Variants in ELP4 observed in about 807,000 individuals in gnomAD.
The protein encoded by ELP4 is elongator acetyltransferase complex subunit 4, also known as elongator complex protein 4.
A neutral mutation model predicts 48.9 loss-of-function variants in ELP4; 51 were observed. The ratio of observed to expected loss-of-function variants is 1.04; its 90% CI spans 0.83 to 1.32. The LOEUF (loss-of-function observed/expected upper bound fraction) is 1.32, where lower values mean the gene tolerates loss of function less well. Ranked by LOEUF, ELP4 falls within the 40% of genes most tolerant of loss-of-function variation. The probability of loss-of-function intolerance (pLI) is 0.00; values close to 1 mark genes in which losing one functional copy is unlikely to be tolerated. For synonymous variants in ELP4, 210 were observed against 189.2 expected, an observed-to-expected ratio of 1.11 and a Z score of -0.90; for missense variants, 519 against 514.6, an observed-to-expected ratio of 1.01 and a Z score of -0.08.
At chr11:31,587,060 C>T (rs535477013) in intron 3 of ELP4, among the ~76,000 whole-genome samples, 141 of 152,290 alleles carry the variant, frequency 9.3e-4, no homozygotes, top group African/African-American at 3.2e-3. Context: ...TAATGCCTCT[C>T]CCCATTACTC....
chr11:31,519,981 C>T (rs775446929), intron 1 of ELP4, 75 bp from the exon 2 acceptor site: 445 of 1,452,792 alleles, frequency 3.1e-4, no homozygotes, highest in Non-Finnish European at 3.9e-4. Flanking sequence ...GCCTTTCCTT[C>T]ATAAAGCCTA....
chr11:31,712,705 C>G (rs563039901), intron 9 of ELP4, among the ~76,000 whole-genome samples: 2 of 151,978 alleles, frequency 1.3e-5, no homozygotes, highest in Non-Finnish European at 2.9e-5. Context: ...TAAAATAGCA[C>G]TGGATGCTGT....
chr11:31,546,374 A>G (rs1023189678), intron 3 of ELP4, among the ~76,000 whole-genome samples: 2 of 152,206 alleles, frequency 1.3e-5, no homozygotes, highest in Non-Finnish European at 2.9e-5. Flanking sequence ...AACAAAGATC[A>G]AAAGGAACAA....
chr11:31,603,686 C>T, intron 4 of ELP4, 82 bp from the exon 5 acceptor site: 2 of 1,404,062 alleles, frequency 1.4e-6, no homozygotes, highest in Non-Finnish European at 9.7e-7. Flanking sequence ...ATAAATATGC[C>T]ATTGTTTTGC....
intron 3 of ELP4, among the ~76,000 whole-genome samples, chr11:31,573,093 A>G (rs1481049712): frequency 2.6e-5 from 4 of 152,242 alleles, no homozygotes; most frequent in African/African-American, 9.6e-5. Flanking sequence ...TATAATTTAC[A>G]TATAATTTTA....
chr11:31,693,693 G>A (rs1946332330), intron 9 of ELP4, among the ~76,000 whole-genome samples: 1 of 152,088 alleles, frequency 6.6e-6, no homozygotes, highest in Non-Finnish European at 1.5e-5. Context: ...GGGATGGCTG[G>A]GTCAAATAGT....
intron 9 of ELP4, among the ~76,000 whole-genome samples, chr11:31,782,953 A>C (rs1157025286): frequency 3.3e-5 from 5 of 152,228 alleles, no homozygotes; most frequent in African/African-American, 1.2e-4. Context: ...ATGGGAATCT[A>C]TAATTGCTGA....
intron 9 of ELP4, among the ~76,000 whole-genome samples, chr11:31,749,454 AATG>A (rs1349891494): frequency 6.6e-6 from 1 of 152,192 alleles, no homozygotes; most frequent in Non-Finnish European, 1.5e-5. Context: ...GACTTTTCTA[AATG>A]ATATTTCCCC....
At chr11:31,554,508 A>T (rs112659410) in intron 3 of ELP4, among the ~76,000 whole-genome samples, 65 of 152,120 alleles carry the variant, frequency 4.3e-4, no homozygotes, top group African/African-American at 1.5e-3. Flanking sequence ...GTATATGTAT[A>T]CATTGTGAAA....
intron 9 of ELP4, among the ~76,000 whole-genome samples, chr11:31,670,071 A>T (rs1945776143): frequency 6.6e-6 from 1 of 152,034 alleles, no homozygotes; most frequent in Non-Finnish European, 1.5e-5. Flanking sequence ...CATATGCAAA[A>T]CTCGACTTTT....
Position 31,705,503 on chromosome 11 carries a change from G to A in ELP4, c.1143+55282G>A, listed in dbSNP as rs974105356. On this transcript the variant is annotated intron_variant, in intron 9 of 9. Transcript: ENST00000640961. ...TTTGTTGCTAGGAACTTTGGATTGC[G>A]ACAAACACAGATTTTAAAACTACTG... is the stretch of plus-strand genomic sequence containing the variant. Among the ~76,000 whole-genome samples the A allele has an allele frequency of 7.2e-5, 11 of 152,228 alleles. No homozygotes were observed. The East Asian group carries it at 9.6e-4, about 13-fold the overall frequency.
intron 9 of ELP4, among the ~76,000 whole-genome samples, chr11:31,664,802 A>G (rs1945637156): frequency 1.3e-5 from 2 of 152,202 alleles, no homozygotes; most frequent in Non-Finnish European, 2.9e-5. Flanking sequence ...CTTACTATGC[A>G]TCACCTTGAG....
chr11:31,771,794 A>G lies in ELP4; in HGVS notation c.1144-11599A>G, dbSNP rs185016076. Reference sequence around the variant, plus strand: ...GGAGATCAAGACCATCCTGGCTAACACAGTGAAACCCTGTATCTACTAAAG... The same window carrying G: ...GGAGATCAAGACCATCCTGGCTAACGCAGTGAAACCCTGTATCTACTAAAG... On this transcript the variant is annotated intron_variant, in intron 9 of 9. Coordinates refer to ENST00000640961, the MANE Select transcript of ELP4 (RefSeq NM_019040.5). 6.4e-4 allele frequency among the ~76,000 whole-genome samples: 97 copies of G among 152,288 alleles called. 1 individual carries two copies. The highest frequency in any genetic ancestry group is 2.5e-3 in the South Asian group (12 of 4,826).
intron 9 of ELP4, among the ~76,000 whole-genome samples, chr11:31,713,543 T>C (rs573887809): frequency 6.6e-6 from 1 of 152,292 alleles, no homozygotes; most frequent in South Asian, 2.1e-4. Flanking sequence ...TACTCTAATT[T>C]ATAGAAATCT....
intron 9 of ELP4, among the ~76,000 whole-genome samples, chr11:31,682,434 C>T (rs1444490245): frequency 1.3e-5 from 2 of 152,226 alleles, no homozygotes; most frequent in Non-Finnish European, 2.9e-5. Context: ...ATCTCACATA[C>T]ATATTCAGAG....
At chr11:31,674,898 G>A (rs1437026000) in intron 9 of ELP4, among the ~76,000 whole-genome samples, 1 of 152,012 alleles carries the variant, frequency 6.6e-6, no homozygotes, top group Non-Finnish European at 1.5e-5. Flanking sequence ...TTATATAATA[G>A]CAGTAGCAAT....
intron 3 of ELP4, among the ~76,000 whole-genome samples, chr11:31,546,777 C>T (rs1956729247): frequency 6.6e-6 from 1 of 152,032 alleles, no homozygotes; most frequent in Admixed American, 6.5e-5. Flanking sequence ...GAAATTATAA[C>T]AAACTGTCTC....
chr11:31,549,897 A>G (rs1017641428), intron 3 of ELP4, among the ~76,000 whole-genome samples: 1 of 152,192 alleles, frequency 6.6e-6, no homozygotes, highest in Admixed American at 6.5e-5. Flanking sequence ...ACAAAAACCA[A>G]ACACCACACT....
chr11:31,613,133 A>G (rs1025271302), intron 5 of ELP4, among the ~76,000 whole-genome samples: 5 of 152,204 alleles, frequency 3.3e-5, no homozygotes, highest in Non-Finnish European at 7.3e-5. Context: ...GTGGCTCTGC[A>G]GAAGTTTTTT....
Sources: allele counts gnomAD v4.1 joint callset (sites outside exome capture counted in the v4.1 genomes callset), GRCh38; gene constraint gnomAD v4.1.1; transcripts MANE v1.5; gene names NCBI Gene and HGNC (gene_info 2026-07-23, HGNC 2026-07-21).